Variants in DPP6 observed in about 807,000 individuals in gnomAD.
DPP6 encodes the protein A-type potassium channel modulatory protein DPP6.
DPP6 carries 69 observed loss-of-function variants against 122.6 expected under a neutral mutation model. The observed-to-expected ratio is 0.56, with a 90% CI of 0.46 to 0.69. The LOEUF is 0.69. DPP6 is among the 30% of genes least tolerant of loss of function. The probability of loss-of-function intolerance (pLI) is 0.00; values close to 1 mark genes in which losing one functional copy is unlikely to be tolerated. For missense variants in DPP6, 928 were observed against 1,116.9 expected (o/e 0.83, Z 2.41); for synonymous variants, 418 against 433.1 (o/e 0.97, Z 0.43).
At chr7:153,794,822 T>C in the DPP6 span, among the ~76,000 whole-genome samples, 1 of 152,302 alleles carries the variant, frequency 6.6e-6, no homozygotes, top group East Asian at 1.9e-4. Context: ...CTCATAATAG[T>C]GAATAAGTCT....
At chr7:154,825,875 C>T (rs1728420953) in intron 16 of DPP6, among the ~76,000 whole-genome samples, 1 of 152,216 alleles carries the variant, frequency 6.6e-6, no homozygotes, top group Non-Finnish European at 1.5e-5. Flanking sequence ...CATTTATTCT[C>T]ACAAGGCCTG....
intron 1 of DPP6, among the ~76,000 whole-genome samples, chr7:154,031,962 T>C (rs1585204269): frequency 1.3e-5 from 2 of 150,328 alleles, no homozygotes; most frequent in Admixed American, 6.6e-5. Flanking sequence ...CCTGGCTTCA[T>C]GCCATTCTCC....
intron 1 of DPP6, among the ~76,000 whole-genome samples, chr7:154,287,629 G>A (rs1015430384): frequency 3.9e-5 from 6 of 152,182 alleles, no homozygotes; most frequent in South Asian, 2.1e-4. Flanking sequence ...GCCAGGACTC[G>A]GTGTGTTCCC....
the DPP6 span, among the ~76,000 whole-genome samples, chr7:153,827,237 T>G: frequency 6.6e-6 from 1 of 152,174 alleles, no homozygotes; most frequent in Admixed American, 6.5e-5. Flanking sequence ...TTAACAATTT[T>G]CAGAAGAATA....
intron 1 of DPP6, among the ~76,000 whole-genome samples, chr7:154,302,208 C>T (rs1201524847): frequency 1.3e-5 from 2 of 152,154 alleles, no homozygotes; most frequent in Non-Finnish European, 2.9e-5. Flanking sequence ...TCCCAGGCAA[C>T]CACTACCCTG....
At chr7:154,622,777 A>G (rs895265394) in intron 5 of DPP6, among the ~76,000 whole-genome samples, 1 of 152,168 alleles carries the variant, frequency 6.6e-6, no homozygotes, top group Non-Finnish European at 1.5e-5. Flanking sequence ...TACAGCACAC[A>G]TGGACCACGG....
At chr7:153,788,862 G>A in the DPP6 span, among the ~76,000 whole-genome samples, 1 of 152,050 alleles carries the variant, frequency 6.6e-6, no homozygotes, top group Non-Finnish European at 1.5e-5. Context: ...CTAGTCGGGA[G>A]GCTGAGGCAG....
intron 1 of DPP6, among the ~76,000 whole-genome samples, chr7:154,064,141 A>G (rs1319950157): frequency 6.6e-6 from 1 of 152,166 alleles, no homozygotes; most frequent in Admixed American, 6.5e-5. Context: ...GGGGACACTC[A>G]TCTACCCTGT....
At chr7:154,712,249 T>C (rs1051839977) in intron 7 of DPP6, among the ~76,000 whole-genome samples, 1 of 152,206 alleles carries the variant, frequency 6.6e-6, no homozygotes, top group Non-Finnish European at 1.5e-5. Context: ...TTTTTGTACA[T>C]GCACACCAAT....
intron 1 of DPP6, among the ~76,000 whole-genome samples, chr7:154,428,558 T>G (rs1818096933): frequency 6.6e-6 from 1 of 152,108 alleles, no homozygotes; most frequent in Non-Finnish European, 1.5e-5. Context: ...ATAGGCTTAC[T>G]GCAAAAAAAA....
chr7:154,889,723 G>T, intron 25 of DPP6, 193 bp downstream of exon 25: 1 of 846,200 alleles, frequency 1.2e-6, no homozygotes, highest in Non-Finnish European at 1.8e-6. Context: ...TGATAGCTCC[G>T]CTCTGTACTT....
intron 1 of DPP6, among the ~76,000 whole-genome samples, chr7:154,349,563 G>T (rs1475000381): frequency 6.6e-6 from 1 of 152,148 alleles, no homozygotes; most frequent in Non-Finnish European, 1.5e-5. Flanking sequence ...CTTTAATACG[G>T]CTGGGTATGC....
At chr7:154,603,286 CATG>C (rs1306121706) in intron 5 of DPP6, among the ~76,000 whole-genome samples, 2 of 119,690 alleles carry the variant, frequency 1.7e-5, no homozygotes, top group Non-Finnish European at 3.7e-5. Flanking sequence ...TCCATTCAGC[CATG>C]ATTTCTTCAT....
chr7:154,055,293 T>C (rs997239662), intron 1 of DPP6, among the ~76,000 whole-genome samples: 1 of 132,662 alleles, frequency 7.5e-6, no homozygotes, highest in Non-Finnish European at 1.6e-5. Flanking sequence ...GGCTGAATGT[T>C]GCATCCTTTA....
chr7:153,991,875 G>A (rs1258451902), intron 1 of DPP6, among the ~76,000 whole-genome samples: 1 of 151,512 alleles, frequency 6.6e-6, no homozygotes, highest in Non-Finnish European at 1.5e-5. Context: ...GTCCCTTTGT[G>A]TTGCTATAAT....
chr7:154,647,620 T>A (rs1836571752), intron 6 of DPP6, among the ~76,000 whole-genome samples: 1 of 152,140 alleles, frequency 6.6e-6, no homozygotes, highest in African/African-American at 2.4e-5. Flanking sequence ...CTCCCTCTGG[T>A]GAGCTCCGGT....
chr7:154,211,710 C>T (rs143710641), intron 1 of DPP6, among the ~76,000 whole-genome samples: 33 of 152,286 alleles, frequency 2.2e-4, no homozygotes, highest in African/African-American at 7.5e-4. Flanking sequence ...AAACTGTTTA[C>T]TCAGAGGACC....
chr7:154,680,935 G>C (rs1168116903), intron 7 of DPP6, among the ~76,000 whole-genome samples: 4 of 152,166 alleles, frequency 2.6e-5, no homozygotes, highest in Non-Finnish European at 5.9e-5. Context: ...CTTTTTGAAG[G>C]AGAGAAAGCA....
chr7:154,764,863 C>T (rs1426914518), intron 8 of DPP6, among the ~76,000 whole-genome samples: 1 of 152,132 alleles, frequency 6.6e-6, no homozygotes, highest in East Asian at 1.9e-4. Context: ...ACCTCCAATT[C>T]CTCAGTTGTA....
Sources: gnomAD v4.1 joint callset for allele counts (sites outside exome capture counted in the v4.1 genomes callset) on GRCh38, gnomAD v4.1.1 for gene constraint, MANE v1.5 for transcripts, NCBI Gene and HGNC (gene_info 2026-07-23, HGNC 2026-07-21) for gene names.